ESR1: variants seen among roughly 807,000 people sequenced by gnomAD.
ESR1 encodes estrogen receptor 1.
A neutral mutation model predicts 52.7 loss-of-function variants in ESR1; 12 were observed. That is an observed-to-expected ratio of 0.23 (90% CI 0.15 to 0.37). The LOEUF is 0.37. ESR1 is among the 10% of genes least tolerant of loss of function. The probability of loss-of-function intolerance (pLI) is 1.00; values close to 1 mark genes in which losing one functional copy is unlikely to be tolerated. For missense variants in ESR1, 584 were observed against 779.7 expected (o/e 0.75, Z 2.99); for synonymous variants, 305 against 316.8 (o/e 0.96, Z 0.39).
intron 5 of ESR1, among the ~76,000 whole-genome samples, chr6:152,054,482 C>T (rs1054736184): frequency 1.3e-5 from 2 of 152,006 alleles, no homozygotes; most frequent in Admixed American, 6.6e-5. Context: ...TCCTACCTGC[C>T]GTCTCTTCCA....
chr6:151,869,779 T>G (rs1790632742), intron 2 of ESR1, among the ~76,000 whole-genome samples: 1 of 152,196 alleles, frequency 6.6e-6, no homozygotes, highest in Admixed American at 6.6e-5. Context: ...CTTTGAAAAT[T>G]TACTTAGATG....
At position 152,098,751 on chromosome 6, in the gene ESR1, C is replaced by T. The variant is rs2152506345; in HGVS notation, c.1573C>T (p.Leu525=). The change falls in exon 8 of 8, where the codon CTG becomes TTG. Residue 525 remains leucine, a synonymous_variant. Transcript: ENST00000206249. This position sits in a 1 kb window ranked among gnomAD's most constrained non-coding sequence, Gnocchi z 5.1. ...RHMSNKGMEH[L]YSMKCKNVVP... ...CTACAGTAACAAAGGCATGGAGCAT[C>T]TGTACAGCATGAAGTGCAAGAACGT... is the stretch of plus-strand genomic sequence containing the variant. The T allele has an allele frequency of 6.2e-7, 1 of 1,614,078 alleles. No homozygotes were observed. The highest frequency in any genetic ancestry group is 8.5e-7 in the Non-Finnish European group (1 of 1,179,946).
At position 152,110,644 on chromosome 6, in the gene ESR1, A is replaced by G. The variant is rs536780858; in HGVS notation, c.851-14622A>G. 2.6e-5 allele frequency among the ~76,000 whole-genome samples: 4 copies of G among 152,310 alleles called. No homozygotes were observed. In the South Asian group the frequency reaches 8.3e-4, roughly 32 times the overall value. On this transcript the variant is annotated intron_variant, in intron 6 of 6. Transcript: ENST00000427531. ...ACCCCCATGACACACATTTACCTAC[A>G]TAACCAACCTGCACATGTACTCCTG...
chr6:151,871,246 TTAAAAA>T (rs1790906661), intron 2 of ESR1, among the ~76,000 whole-genome samples: 1 of 151,826 alleles, frequency 6.6e-6, no homozygotes, highest in Admixed American at 6.6e-5. Flanking sequence ...AATATATATA[TTAAAAA>T]TAAAAATAAA....
At chr6:151,678,298 C>T (rs1312291453) in intron 1 of ESR1, among the ~76,000 whole-genome samples, 1 of 151,896 alleles carries the variant, frequency 6.6e-6, no homozygotes, top group Non-Finnish European at 1.5e-5. Context: ...CATGGTGAAA[C>T]CCTGTCTCTA....
rs549489441 is a variant in ESR1, at chr6:151,754,151, C to T, written c.-71+52146C>T. On this transcript the variant is annotated intron_variant, in intron 2 of 2. Coordinates refer to the ESR1 transcript ENST00000404742. ...CAATGGAAATAAACAGTTTTGAATT[C>T]CAGTTATAATTTGGAAAAGAAGCAA... Among the ~76,000 whole-genome samples the T allele has an allele frequency of 6.6e-5, 10 of 152,150 alleles. No individual in the cohort carries two copies. In the East Asian group the frequency reaches 1.7e-3, roughly 26 times the overall value.
At chr6:151,669,153 A>G (rs1043076163) in intron 1 of ESR1, among the ~76,000 whole-genome samples, 9 of 114,452 alleles carry the variant, frequency 7.9e-5, no homozygotes, top group Non-Finnish European at 1.7e-4. Context: ...GCTGGGAGAG[A>G]GAGAGAGAGA....
intron 2 of ESR1, among the ~76,000 whole-genome samples, chr6:151,790,496 C>T (rs536981134): frequency 5.3e-5 from 8 of 152,134 alleles, no homozygotes; most frequent in Admixed American, 5.2e-4. Flanking sequence ...CAAACATCTT[C>T]GAACATCCTC....
intron 6 of ESR1, among the ~76,000 whole-genome samples, chr6:152,088,405 A>C (rs1472755458): frequency 2.6e-5 from 4 of 152,162 alleles, no homozygotes; most frequent in Non-Finnish European, 5.9e-5. Flanking sequence ...GATTAGTAAA[A>C]ATATGCTACC....
chr6:152,004,744 A>G (rs1251612559), intron 4 of ESR1, among the ~76,000 whole-genome samples: 1 of 152,046 alleles, frequency 6.6e-6, no homozygotes, highest in Non-Finnish European at 1.5e-5. Flanking sequence ...TACATTACAT[A>G]AAGTAATACA....
At chr6:151,776,925 T>C (rs1305935181) in intron 2 of ESR1, among the ~76,000 whole-genome samples, 1 of 151,290 alleles carries the variant, frequency 6.6e-6, no homozygotes, top group Non-Finnish European at 1.5e-5. Context: ...TAGGGAGATA[T>C]ACGTGAGTTT....
intron 3 of ESR1, among the ~76,000 whole-genome samples, chr6:151,916,071 G>A (rs2030087100): frequency 6.6e-6 from 1 of 152,194 alleles, no homozygotes. Flanking sequence ...CACGCTGCCT[G>A]CATCGAGATG....
At chr6:151,764,280 T>A (rs1021245087) in intron 2 of ESR1, among the ~76,000 whole-genome samples, 9 of 152,158 alleles carry the variant, frequency 5.9e-5, no homozygotes, top group South Asian at 2.1e-4. Flanking sequence ...TTATTTATTT[T>A]TTTTCTGCCT....
chr6:151,780,209 G>A (rs1292659351), intron 2 of ESR1, among the ~76,000 whole-genome samples: 2 of 151,926 alleles, frequency 1.3e-5, no homozygotes, highest in Non-Finnish European at 2.9e-5. Flanking sequence ...GCCTGTCGGG[G>A]GGTTGGGGGT....
intron 1 of ESR1, among the ~76,000 whole-genome samples, chr6:151,669,608 T>G (rs73619405): frequency 0.028 from 4,231 of 152,220 alleles, 172 homozygotes; most frequent in African/African-American, 0.091. Flanking sequence ...CTGAGTTACC[T>G]TGGGCAAGTT....
chr6:151,723,827 G>A (rs923062120), intron 2 of ESR1, among the ~76,000 whole-genome samples: 1 of 152,236 alleles, frequency 6.6e-6, no homozygotes, highest in African/African-American at 2.4e-5. Flanking sequence ...CCGAGATCAT[G>A]CCACTGCACT....
chr6:151,726,087 C>T (rs1195368235), intron 2 of ESR1, among the ~76,000 whole-genome samples: 4 of 152,128 alleles, frequency 2.6e-5, no homozygotes, highest in Non-Finnish European at 5.9e-5. Flanking sequence ...TGGGGGGTAC[C>T]TTCAACTTAA....
chr6:151,709,486 T>C (rs1780425342), intron 2 of ESR1, among the ~76,000 whole-genome samples: 1 of 152,232 alleles, frequency 6.6e-6, no homozygotes, highest in Non-Finnish European at 1.5e-5. Context: ...ACATTCGCTT[T>C]GGGCATATAC....
intron 1 of ESR1, among the ~76,000 whole-genome samples, chr6:151,670,323 C>T (rs1444595545): frequency 6.6e-6 from 1 of 152,224 alleles, no homozygotes; most frequent in African/African-American, 2.4e-5. Context: ...ACATTCCTTA[C>T]ATTACCCGTT....
Sources: gnomAD v4.1 joint callset for allele counts (sites outside exome capture counted in the v4.1 genomes callset) on GRCh38, gnomAD v4.1.1 for gene constraint, Gnocchi (gnomAD v3.1) non-coding constraint, MANE v1.5 for transcripts, NCBI Gene and HGNC (gene_info 2026-07-23, HGNC 2026-07-21) for gene names.